Variants in STRIP2 observed in about 807,000 individuals in gnomAD.
STRIP2 encodes the protein striatin interacting protein 2.
Under a neutral mutation model 107.1 loss-of-function variants are expected in STRIP2, and 84 were observed. The ratio of observed to expected loss-of-function variants is 0.78; its 90% CI spans 0.66 to 0.94. The LOEUF (loss-of-function observed/expected upper bound fraction) is 0.94. Ranked by LOEUF, STRIP2 falls within the 40% of genes least tolerant of loss-of-function variation. The pLI is 0.00. For missense variants in STRIP2, 888 were observed against 1,034.2 expected, an observed-to-expected ratio of 0.86 and a Z score of 1.94; for synonymous variants, 394 against 400.4, an observed-to-expected ratio of 0.98 and a Z score of 0.19.
chr7:129,463,836 C>T (rs1798604839), intron 14 of STRIP2, among the ~76,000 whole-genome samples: 1 of 152,226 alleles, frequency 6.6e-6, no homozygotes, highest in Non-Finnish European at 1.5e-5. Flanking sequence ...AATGCACTCC[C>T]TCTGGCTTTC....
chr7:129,459,595 C>CCA lies in STRIP2; in HGVS notation c.1404+15_1404+16insCA. 6.2e-7 allele frequency: 1 copy of CCA among 1,609,924 alleles called. No individual in the cohort carries two copies. Among genetic ancestry groups the CCA allele is most frequent in the Non-Finnish European group, 8.5e-7 (1 of 1,176,260 alleles). On this transcript the variant is annotated intron_variant, in intron 12 of 20. Transcript: ENST00000249344. The stretch of plus-strand genomic sequence containing the variant: ...CCCTAAAGCAGGTGACTGGGGTGGG[C>CCA]TCTCAGTCTTCAGGGATAGGGAGCC...
intron 2 of STRIP2, among the ~76,000 whole-genome samples, chr7:129,440,659 T>A (rs1797872636): frequency 6.6e-6 from 1 of 152,126 alleles, no homozygotes; most frequent in Admixed American, 6.6e-5. Context: ...TGGATGTTTA[T>A]GAGCTGGGGT....
At chr7:129,450,524 C>T (rs1798155933) in intron 3 of STRIP2, among the ~76,000 whole-genome samples, 1 of 152,228 alleles carries the variant, frequency 6.6e-6, no homozygotes, top group Non-Finnish European at 1.5e-5. Flanking sequence ...CATTTCCTTA[C>T]TTGGTCAGTG....
At chr7:129,440,146 G>T in intron 2 of STRIP2, 55 bp downstream of exon 2, 1 of 1,416,604 alleles carries the variant, frequency 7.1e-7, no homozygotes, top group Admixed American at 1.7e-5. Context: ...GGAGAGGGAA[G>T]GGGCCTGTGA....
At chr7:129,477,736 T>G in intron 18 of STRIP2, 1 of 229,742 alleles carries the variant, frequency 4.4e-6, no homozygotes, top group Non-Finnish European at 8.7e-6. Context: ...AAAGAAAATC[T>G]AAAATAGAAA....
At chr7:129,480,343 TA>T (rs893778972) in intron 18 of STRIP2, among the ~76,000 whole-genome samples, 7 of 151,696 alleles carry the variant, frequency 4.6e-5, no homozygotes, top group South Asian at 4.2e-4. Flanking sequence ...GTTGATAAGA[TA>T]AAAAAAAATT....
chr7:129,474,249 T>G (rs1287343841), intron 18 of STRIP2, among the ~76,000 whole-genome samples: 4 of 151,920 alleles, frequency 2.6e-5, no homozygotes, highest in Non-Finnish European at 4.4e-5. Context: ...CAAATGATCC[T>G]TCCACCTCAG....
chr7:129,451,591 G>A (rs769662279), intron 3 of STRIP2, 22 bp from the exon 4 acceptor site: 1 of 1,613,834 alleles, frequency 6.2e-7, no homozygotes, highest in Non-Finnish European at 8.5e-7. Context: ...GACACTGGAT[G>A]TATATGGCCT....
chr7:129,460,813 T>C (rs1798512548), intron 13 of STRIP2, among the ~76,000 whole-genome samples: 1 of 152,180 alleles, frequency 6.6e-6, no homozygotes, highest in African/African-American at 2.4e-5. Flanking sequence ...AGGAAGGCTG[T>C]TGTGGCTAGA....
In STRIP2 at chr7:129,451,731, TCTC is replaced by T; in HGVS notation, c.394_396del (p.Leu132del). The stretch of plus-strand genomic sequence containing the variant: ...GGCGGCTGAAGGTGGCCCGGGCTGT[TCTC>T]TACCTGGCCCAAGGTGAGTGACCAC... On this transcript the variant is annotated inframe_deletion, in exon 4 of 21. Coordinates refer to ENST00000249344, the MANE Select transcript of STRIP2 (RefSeq NM_020704.3). 1.9e-6 allele frequency: 3 copies of T among 1,613,602 alleles called. No individual in the cohort carries two copies. The highest frequency in any genetic ancestry group is 2.5e-6 in the Non-Finnish European group (3 of 1,180,016).
chr7:129,459,397 G>C, intron 11 of STRIP2, 120 bp from the exon 12 acceptor site: 1 of 821,484 alleles, frequency 1.2e-6, no homozygotes, highest in South Asian at 1.5e-5. Flanking sequence ...GGAAGGTCTA[G>C]GGTACTGGGG....
chr7:129,434,484 C>A lies in STRIP2; in HGVS notation c.12C>A (p.Pro4=), dbSNP rs1436391675. MED[P]AAPGTGGPPA... is the part of the protein sequence containing the mutation. ...CGCTGACCAGCAGCATGGAGGACCC[C>A]GCCGCGCCTGGGACCGGGGGCCCGC... is the stretch of plus-strand genomic sequence containing the variant. The change falls in exon 1 of 21, where the codon CCC becomes CCA. Residue 4 remains proline (P), a synonymous_variant. Coordinates refer to ENST00000249344, the MANE Select transcript of STRIP2 (RefSeq NM_020704.3). The A allele has an allele frequency of 6.6e-7, 1 of 1,514,412 alleles. No individual in the cohort carries two copies. Among genetic ancestry groups the A allele is most frequent in the East Asian group, 2.6e-5 (1 of 38,614 alleles). 93.8% of individuals were successfully genotyped at this position (1,514,412 alleles called of 1,614,324 possible). A position where few individuals can be genotyped will look rare whatever the true frequency, so the allele number is the denominator to read the frequency against.
At chr7:129,460,818 G>T (rs1288521830) in intron 13 of STRIP2, among the ~76,000 whole-genome samples, 1 of 152,178 alleles carries the variant, frequency 6.6e-6, no homozygotes, top group Non-Finnish European at 1.5e-5. Flanking sequence ...GGCTGTTGTG[G>T]CTAGAGCACA....
At position 129,485,901 on chromosome 7, in the gene STRIP2, A is replaced by G; in HGVS notation, c.*72A>G. The G allele has an allele frequency of 6.4e-6, 10 of 1,561,708 alleles. No homozygotes were observed. The highest frequency in any genetic ancestry group is 7.9e-6 in the Non-Finnish European group (9 of 1,145,726). ...AAACTGTGCTCTGCCTACCCTGTCC[A>G]TACAGGCGCTGTTACCAGTTCAGGG... On this transcript the variant is annotated 3_prime_UTR_variant, in exon 21 of 21. Coordinates refer to ENST00000249344, the MANE Select transcript of STRIP2 (RefSeq NM_020704.3).
chr7:129,474,759 G>C (rs1164760874), intron 18 of STRIP2, among the ~76,000 whole-genome samples: 1 of 152,116 alleles, frequency 6.6e-6, no homozygotes, highest in Non-Finnish European at 1.5e-5. Context: ...TGATCCACCT[G>C]CCTCAGCCTC....
At chr7:129,451,521 G>T in intron 3 of STRIP2, 92 bp from the exon 4 acceptor site, 1 of 1,461,812 alleles carries the variant, frequency 6.8e-7, no homozygotes, top group South Asian at 1.3e-5. Flanking sequence ...TTTGGCAGGG[G>T]AGCTGAGATC....
chr7:129,475,553 C>CTTTTTTTT (rs1292595061), intron 18 of STRIP2, among the ~76,000 whole-genome samples: 4 of 35,974 alleles, frequency 1.1e-4, no homozygotes, highest in Non-Finnish European at 1.6e-4. Flanking sequence ...CTTTTTTTTT[C>CTTTTTTTT]TTTTTTTTTT....
intron 13 of STRIP2, 147 bp from the exon 14 acceptor site, chr7:129,462,819 A>G: frequency 1.6e-6 from 1 of 617,894 alleles, no homozygotes; most frequent in East Asian, 2.7e-5. Flanking sequence ...CCAAGGTCAC[A>G]CAGTGAGTCA....
At chr7:129,463,944 G>T in intron 14 of STRIP2, 100 bp from the exon 15 acceptor site, 3 of 868,574 alleles carry the variant, frequency 3.5e-6, no homozygotes, top group Non-Finnish European at 5.5e-6. Flanking sequence ...TTACAGAATG[G>T]CTTTAAAACA....
Sources: gnomAD v4.1 joint callset for allele counts (sites outside exome capture counted in the v4.1 genomes callset) on GRCh38, gnomAD v4.1.1 for gene constraint, MANE v1.5 for transcripts, NCBI Gene and HGNC (gene_info 2026-07-23, HGNC 2026-07-21) for gene names.